The following RNF150 variants were observed in gnomAD, a reference collection of about 807,000 sequenced individuals.
RNF150 encodes ring finger protein 150.
In RNF150, 24 loss-of-function variants were observed where a neutral mutation model predicts 39.3. The ratio of observed to expected loss-of-function variants is 0.61; its 90% CI spans 0.44 to 0.86. RNF150 has a LOEUF of 0.86. RNF150 is among the 40% of genes least tolerant of loss of function. The probability of loss-of-function intolerance (pLI) is 0.00; values close to 1 mark genes in which losing one functional copy is unlikely to be tolerated. For missense variants in RNF150, 502 were observed against 587.8 expected (o/e 0.85, Z 1.51); for synonymous variants, 255 against 227.3 (o/e 1.12, Z -1.10).
chr4:141,107,814 T>A (rs946276570), intron 1 of RNF150, among the ~76,000 whole-genome samples: 39 of 125,858 alleles, frequency 3.1e-4, no homozygotes, highest in Admixed American at 9.2e-5. Flanking sequence ...ATGGGATATA[T>A]CCTATTTGAA....
chr4:141,124,374 G>T (rs1336497050), intron 1 of RNF150, among the ~76,000 whole-genome samples: 3 of 152,190 alleles, frequency 2.0e-5, no homozygotes, highest in African/African-American at 7.2e-5. Context: ...ACTAGTTCAG[G>T]GAAGAGTAGC....
intron 2 of RNF150, among the ~76,000 whole-genome samples, chr4:140,959,544 C>A (rs1485595015): frequency 1.3e-5 from 2 of 152,108 alleles, no homozygotes; most frequent in Admixed American, 1.3e-4. Context: ...TATAGGCCAT[C>A]TGACAGACCA....
chr4:141,098,431 G>A (rs887757380), intron 1 of RNF150, among the ~76,000 whole-genome samples: 2 of 152,224 alleles, frequency 1.3e-5, no homozygotes, highest in African/African-American at 4.8e-5. Flanking sequence ...GATGCCCACA[G>A]TGCAGTGTGA....
At chr4:140,995,921 A>G (rs1734352379) in intron 1 of RNF150, among the ~76,000 whole-genome samples, 1 of 152,172 alleles carries the variant, frequency 6.6e-6, no homozygotes, top group South Asian at 2.1e-4. Flanking sequence ...TACTGTAAAC[A>G]GTGCTGCAAG....
At chr4:141,088,188 G>A (rs926726339) in intron 1 of RNF150, among the ~76,000 whole-genome samples, 4 of 152,116 alleles carry the variant, frequency 2.6e-5, no homozygotes, top group African/African-American at 7.2e-5. Context: ...TGTCCATAAC[G>A]TGCCTACCAC....
rs1447678353 is a variant in RNF150 at position 140,899,970 on chromosome 4, CTCTCTG to C, written c.1198+11168_1198+11173del. The stretch of plus-strand genomic sequence containing the variant: ...TCTCTCTCTCTCTCTCTCTCTCTCT[CTCTCTG>C]TGTGTGTGTGTGTGTGTGTGTGTGT... On this transcript the variant is annotated intron_variant, in intron 6 of 6. Coordinates refer to ENST00000515673, the MANE Select transcript of RNF150 (RefSeq NM_020724.2). Among the ~76,000 whole-genome samples, 289 of 135,388 alleles carry C rather than the reference CTCTCTG, an allele frequency of 2.1e-3. 2 individuals are homozygous for C. The highest frequency in any genetic ancestry group is 4.7e-3 in the Admixed American group (61 of 12,998). 88.8% of individuals were successfully genotyped at this position (135,388 alleles called of 152,430 possible). A position where few individuals can be genotyped will look rare whatever the true frequency, so the allele number is the denominator to read the frequency against.
intron 1 of RNF150, among the ~76,000 whole-genome samples, chr4:141,115,994 A>G (rs902016927): frequency 2.0e-5 from 3 of 152,234 alleles, no homozygotes; most frequent in Non-Finnish European, 4.4e-5. Flanking sequence ...AATTAACTCA[A>G]GATGGATTAC....
Position 140,918,521 on chromosome 4 carries a change from T to G in RNF150, c.988-7167A>C, listed in dbSNP as rs187255744. 5.5e-4 allele frequency among the ~76,000 whole-genome samples: 83 copies of G among 152,120 alleles called. No individual in the cohort carries two copies. The East Asian group carries it at 0.014, about 26-fold the overall frequency. On this transcript the variant is annotated intron_variant, in intron 5 of 6. Coordinates refer to ENST00000515673, the MANE Select transcript of RNF150 (RefSeq NM_020724.2). ...ATCTCTGAATAGACCAATAACAGGC[T>G]CTGAAATTGTGGCAATAATCAATAG...
At chr4:141,113,296 T>A in intron 1 of RNF150, among the ~76,000 whole-genome samples, 1 of 145,352 alleles carries the variant, frequency 6.9e-6, no homozygotes, top group South Asian at 2.2e-4. Context: ...ACACAGAGGC[T>A]CAAAATAAAG....
chr4:140,968,545 G>C (rs559899075), intron 1 of RNF150, among the ~76,000 whole-genome samples: 52 of 151,858 alleles, frequency 3.4e-4, no homozygotes, highest in Non-Finnish European at 6.3e-4. Context: ...CAAGCAAAGA[G>C]AAGTATGGTG....
chr4:141,187,122 C>A (rs991353868), intron 1 of RNF150, among the ~76,000 whole-genome samples: 1 of 152,170 alleles, frequency 6.6e-6, no homozygotes, highest in Admixed American at 6.5e-5. Context: ...CCCAAGTAGT[C>A]ATTCAGGTGT....
intron 5 of RNF150, among the ~76,000 whole-genome samples, chr4:140,916,943 A>G (rs1345808273): frequency 6.6e-6 from 1 of 152,214 alleles, no homozygotes; most frequent in Non-Finnish European, 1.5e-5. Flanking sequence ...AGCCAAACTA[A>G]GCTTCATAAG....
At chr4:140,882,968 T>C (rs919243403) in intron 6 of RNF150, among the ~76,000 whole-genome samples, 25 of 152,142 alleles carry the variant, frequency 1.6e-4, no homozygotes, top group African/African-American at 6.0e-4. Context: ...TATCTCTCTT[T>C]TTCCCTCTCT....
intron 1 of RNF150, among the ~76,000 whole-genome samples, chr4:141,201,736 C>G (rs1728295917): frequency 6.6e-6 from 1 of 152,074 alleles, no homozygotes; most frequent in South Asian, 2.1e-4. Context: ...ATATCTCAAT[C>G]TCTGCTTGTC....
chr4:141,163,877 CA>C (rs1409695825), intron 1 of RNF150, among the ~76,000 whole-genome samples: 21 of 152,098 alleles, frequency 1.4e-4, no homozygotes, highest in Middle Eastern at 3.4e-3. Context: ...CTGAAAATTC[CA>C]AAAACCAGAA....
chr4:141,146,127 C>T (rs2111132926), intron 1 of RNF150, among the ~76,000 whole-genome samples: 1 of 152,294 alleles, frequency 6.6e-6, no homozygotes, highest in Non-Finnish European at 1.5e-5. Flanking sequence ...ATGAGATCTG[C>T]TACATTCTGT....
chr4:141,093,609 C>T (rs1738675223), intron 1 of RNF150, among the ~76,000 whole-genome samples: 1 of 152,106 alleles, frequency 6.6e-6, no homozygotes, highest in African/African-American at 2.4e-5. Context: ...CATAACACCT[C>T]ACTCCCCAGA....
intron 2 of RNF150, among the ~76,000 whole-genome samples, chr4:140,965,898 T>C (rs1263585989): frequency 6.6e-6 from 1 of 152,162 alleles, no homozygotes; most frequent in African/African-American, 2.4e-5. Context: ...AAGTAGATTT[T>C]ACCTGCTCTT....
chr4:140,976,028 A>T lies in RNF150; in HGVS notation c.485-8155T>A, dbSNP rs574323619. ...CAAATTCCCTAACAGCCCTGGTGTT[A>T]GAATAATCCCTTCAGTTCCTTGATC... On this transcript the variant is annotated intron_variant, in intron 1 of 6. Coordinates refer to ENST00000515673, the MANE Select transcript of RNF150 (RefSeq NM_020724.2). Among the ~76,000 whole-genome samples the T allele has an allele frequency of 2.6e-5, 4 of 152,310 alleles. No homozygotes were observed. In the East Asian group the frequency reaches 7.7e-4, roughly 29 times the overall value.
Sources: allele counts gnomAD v4.1 joint callset (sites outside exome capture counted in the v4.1 genomes callset), GRCh38; gene constraint gnomAD v4.1.1; transcripts MANE v1.5; gene names NCBI Gene and HGNC (gene_info 2026-07-23, HGNC 2026-07-21).